The following MAST4 variants were observed in gnomAD, a reference collection of about 807,000 sequenced individuals.
The protein encoded by MAST4 is microtubule associated serine/threonine kinase family member 4.
In MAST4, 89 loss-of-function variants were observed where a neutral mutation model predicts 162.7. The observed-to-expected ratio is 0.55, with a 90% CI of 0.46 to 0.65. The LOEUF is 0.65. Among genes scored for constraint, MAST4 ranks in the 30% least tolerant of loss-of-function variants. The probability of loss-of-function intolerance (pLI) is 0.00; values close to 1 mark genes in which losing one functional copy is unlikely to be tolerated. For missense variants in MAST4, 3,153 were observed against 3,374.0 expected (o/e 0.93, Z 1.62); for synonymous variants, 1,479 against 1,361.1 (o/e 1.09, Z -1.91).
At chr5:67,050,345 C>T (rs1298752692) in intron 4 of MAST4, among the ~76,000 whole-genome samples, 6 of 152,180 alleles carry the variant, frequency 3.9e-5, no homozygotes, top group African/African-American at 1.2e-4. Context: ...TGGTGGTGAC[C>T]TCATGTCACT....
intron 1 of MAST4, among the ~76,000 whole-genome samples, chr5:66,631,425 A>G (rs1296372932): frequency 6.6e-6 from 1 of 152,142 alleles, no homozygotes; most frequent in East Asian, 1.9e-4. Flanking sequence ...TCAAAATCTG[A>G]ATCTCTTATT....
intron 3 of MAST4, among the ~76,000 whole-genome samples, chr5:66,876,508 A>G (rs897810010): frequency 9.2e-5 from 14 of 152,046 alleles, no homozygotes; most frequent in African/African-American, 2.4e-4. Context: ...CATGTGCCCT[A>G]TTTTCAAATT....
chr5:66,866,473 G>A (rs1038614715), intron 3 of MAST4, among the ~76,000 whole-genome samples: 1 of 152,132 alleles, frequency 6.6e-6, no homozygotes, highest in African/African-American at 2.4e-5. Flanking sequence ...TGATAGGCTT[G>A]ATAATGGTTA....
At chr5:67,093,277 CTT>C (rs1330862255) in intron 6 of MAST4, among the ~76,000 whole-genome samples, 1 of 152,112 alleles carries the variant, frequency 6.6e-6, no homozygotes, top group Non-Finnish European at 1.5e-5. Context: ...GAAAAAGACT[CTT>C]TTCAAAAAAG....
chr5:67,011,527 C>A (rs987146470), intron 4 of MAST4, among the ~76,000 whole-genome samples: 1 of 152,212 alleles, frequency 6.6e-6, no homozygotes, highest in African/African-American at 2.4e-5. Context: ...TATTCCATGA[C>A]GCCGTCCAGT....
At chr5:67,124,686 A>T (rs1161010315) in intron 14 of MAST4, among the ~76,000 whole-genome samples, 1 of 152,196 alleles carries the variant, frequency 6.6e-6, no homozygotes, top group Non-Finnish European at 1.5e-5. Flanking sequence ...CGATATCTCA[A>T]GCTACTTATA....
At chr5:66,975,772 T>A (rs1748068082) in intron 4 of MAST4, among the ~76,000 whole-genome samples, 1 of 152,108 alleles carries the variant, frequency 6.6e-6, no homozygotes, top group Non-Finnish European at 1.5e-5. Context: ...AGCAGGTGGA[T>A]CACCTGAGGT....
In MAST4 at chr5:67,136,549, T is replaced by TTTC; in HGVS notation, c.2393-10_2393-8dup. 1 of 1,579,760 alleles carries TTTC rather than the reference T, an allele frequency of 6.3e-7. No homozygotes were observed. Among genetic ancestry groups the TTTC allele is most frequent in the Non-Finnish European group, 8.6e-7 (1 of 1,160,076 alleles). On this transcript the variant is annotated splice_polypyrimidine_tract_variant and intron_variant, in intron 18 of 28. Transcript: ENST00000403625. ...GTGAACAATATGGTTATAAACAACT[T>TTTC]TTCTTCCTTCTAGATGAGATCAACT...
intron 1 of MAST4, among the ~76,000 whole-genome samples, chr5:66,704,489 G>GTCCTT (rs1554044305): frequency 8.9e-5 from 9 of 100,906 alleles, no homozygotes; most frequent in Non-Finnish European, 1.8e-4. Context: ...GTTGCTTGTT[G>GTCCTT]TTCTTTTTTT....
At chr5:67,095,464 C>G in intron 6 of MAST4, 133 bp from the exon 7 acceptor site, 1 of 593,590 alleles carries the variant, frequency 1.7e-6, no homozygotes. Context: ...TTACCCTGAC[C>G]CTTGCTGAAC....
At chr5:66,643,827 G>A (rs1367617757) in intron 1 of MAST4, among the ~76,000 whole-genome samples, 1 of 148,564 alleles carries the variant, frequency 6.7e-6, no homozygotes, top group Non-Finnish European at 1.5e-5. Context: ...TGTTGCTGAT[G>A]TTTCTGATTC....
chr5:66,685,101 A>G (rs568476463), intron 1 of MAST4, among the ~76,000 whole-genome samples: 35 of 152,182 alleles, frequency 2.3e-4, no homozygotes, highest in Non-Finnish European at 4.9e-4. Context: ...GTCTCTACAT[A>G]AAATACAAAA....
At chr5:66,699,812 C>T (rs370402271) in intron 1 of MAST4, among the ~76,000 whole-genome samples, 6 of 151,898 alleles carry the variant, frequency 4.0e-5, no homozygotes, top group Admixed American at 6.6e-5. Context: ...CTAATGCATG[C>T]GGGGCTTAAT....
chr5:66,614,101 A>G (rs1256528157), intron 1 of MAST4, among the ~76,000 whole-genome samples: 1 of 152,230 alleles, frequency 6.6e-6, no homozygotes, highest in Non-Finnish European at 1.5e-5. Flanking sequence ...CAATTAGGGC[A>G]GTTCAGCTTT....
chr5:66,730,834 T>C (rs1479879727), intron 1 of MAST4, among the ~76,000 whole-genome samples: 4 of 152,134 alleles, frequency 2.6e-5, no homozygotes, highest in Middle Eastern at 3.4e-3. Flanking sequence ...TTTTGCTTTA[T>C]GGATCCACAT....
chr5:66,730,192 A>T (rs1043899266), intron 1 of MAST4, among the ~76,000 whole-genome samples: 2 of 152,160 alleles, frequency 1.3e-5, no homozygotes, highest in Admixed American at 6.5e-5. Flanking sequence ...CTAGAGCTAG[A>T]TTTTACACAT....
At chr5:67,028,430 A>G (rs1184059900) in intron 4 of MAST4, among the ~76,000 whole-genome samples, 4 of 152,178 alleles carry the variant, frequency 2.6e-5, no homozygotes, top group Non-Finnish European at 5.9e-5. Flanking sequence ...AAAGATTCCT[A>G]GCAATGAGGG....
At chr5:66,818,073 T>C (rs928277194) in intron 3 of MAST4, among the ~76,000 whole-genome samples, 1 of 152,174 alleles carries the variant, frequency 6.6e-6, no homozygotes, top group African/African-American at 2.4e-5. Context: ...AAAGACAACA[T>C]TTAATAGTAG....
At chr5:67,101,959 A>G (rs1275710794) in intron 8 of MAST4, among the ~76,000 whole-genome samples, 1 of 151,052 alleles carries the variant, frequency 6.6e-6, no homozygotes, top group East Asian at 1.9e-4. Context: ...AGAATGCACA[A>G]TAGTTGTATG....
Sources: allele counts gnomAD v4.1 joint callset (sites outside exome capture counted in the v4.1 genomes callset), GRCh38; gene constraint gnomAD v4.1.1; transcripts MANE v1.5; gene names NCBI Gene and HGNC (gene_info 2026-07-23, HGNC 2026-07-21).